LRRC71: variants seen among roughly 807,000 people sequenced by gnomAD.
The protein encoded by LRRC71 is leucine rich repeat containing 71.
Under a neutral mutation model 66.6 loss-of-function variants are expected in LRRC71, and 54 were observed. The ratio of observed to expected loss-of-function variants is 0.81; its 90% CI spans 0.65 to 1.02. The LOEUF (loss-of-function observed/expected upper bound fraction) is 1.02. Ranked by LOEUF, LRRC71 falls within the 50% of genes least tolerant of loss-of-function variation. The probability of loss-of-function intolerance (pLI) is 0.00; values close to 1 mark genes in which losing one functional copy is unlikely to be tolerated. For missense variants in LRRC71, 724 were observed against 718.0 expected (o/e 1.01, Z -0.10); for synonymous variants, 323 against 303.9 (o/e 1.06, Z -0.65).
chr1:156,925,341 C>T (rs1653032374), intron 5 of LRRC71, among the ~76,000 whole-genome samples: 1 of 152,194 alleles, frequency 6.6e-6, no homozygotes, highest in South Asian at 2.1e-4. Flanking sequence ...TGGCCCTGTA[C>T]TGGGGGCTGG....
Position 156,927,583 on chromosome 1 carries a change from C to A in LRRC71, c.750C>A (p.Cys250Ter). ...AGGCGCTGTCCACGCTGCACAGCTG[C>A]AACCGGACCCTCGTCTCGCTCAACC... ...LGQALSTLHS[C>*]NRTLVSLNLG... Residue 250 changes from cysteine to a stop codon, truncating the protein, a stop_gained, in exon 7 of 15, where the codon TGC becomes TGA. Transcript: ENST00000337428. LOFTEE classifies it high-confidence loss of function. 1 of 1,597,882 alleles carries A rather than the reference C, an allele frequency of 6.3e-7. No homozygotes were observed. Among genetic ancestry groups the A allele is most frequent in the Non-Finnish European group, 8.5e-7 (1 of 1,171,918 alleles).
intron 12 of LRRC71, among the ~76,000 whole-genome samples, chr1:156,930,820 T>C (rs935928697): frequency 6.6e-6 from 1 of 152,208 alleles, no homozygotes; most frequent in Non-Finnish European, 1.5e-5. Flanking sequence ...TCTGTGGGAA[T>C]AACAAGAGCA....
rs1652896716 is a variant in LRRC71 at position 156,924,556 on chromosome 1, A to G, written c.439+4A>G. On this transcript the variant is annotated splice_donor_region_variant and intron_variant, in intron 3 of 14. Coordinates refer to ENST00000337428, the MANE Select transcript of LRRC71 (RefSeq NM_144702.3). ...GTGAAGGAAATCTACATCCGCGGTG[A>G]GCCCCGCTCCCCCCACCCGCCCCAG... The G allele has an allele frequency of 1.3e-6, 2 of 1,551,310 alleles. No homozygotes were observed. The highest frequency in any genetic ancestry group is 1.7e-6 in the Non-Finnish European group (2 of 1,146,930).
At chr1:156,927,080 G>T (rs918921809) in intron 5 of LRRC71, 122 bp from the exon 6 acceptor site, 2 of 783,288 alleles carry the variant, frequency 2.6e-6, no homozygotes, top group South Asian at 1.8e-5. Flanking sequence ...TCCTATATTG[G>T]GGGGGCAATC....
In LRRC71 at chr1:156,925,032, GCC is replaced by G; in HGVS notation, c.593+21_593+22del. On this transcript the variant is annotated intron_variant, in intron 5 of 14. Coordinates refer to ENST00000337428, the MANE Select transcript of LRRC71 (RefSeq NM_144702.3). ...CACGCTCAGGTCAGCAGACTGGGAGGCCCCCTGTGCCTGGGAAGCCTGGCTGG... is the reference window on the plus strand; with the variant it reads ...CACGCTCAGGTCAGCAGACTGGGAGGCCCTGTGCCTGGGAAGCCTGGCTGG... 1 of 1,551,056 alleles carries G rather than the reference GCC, an allele frequency of 6.4e-7. No homozygotes were observed. The highest frequency in any genetic ancestry group is 8.7e-7 in the Non-Finnish European group (1 of 1,146,720).
At chr1:156,934,938 T>C (rs1255643602), downstream of LRRC71, 2 of 148,524 alleles carry the variant, frequency 1.3e-5, no homozygotes, top group African/African-American at 2.4e-5. Context: ...GTCATTTCCA[T>C]ATCTATATTT....
chr1:156,940,586 T>C, the LRRC71 span, among the ~76,000 whole-genome samples: 12 of 152,202 alleles, frequency 7.9e-5, no homozygotes, highest in South Asian at 2.1e-4. Context: ...GCTCTTGGCA[T>C]ACAACAGTAA....
chr1:156,937,678 C>A (rs1207412896), downstream of LRRC71, among the ~76,000 whole-genome samples: 1 of 152,190 alleles, frequency 6.6e-6, no homozygotes, highest in African/African-American at 2.4e-5. Flanking sequence ...GCTCCCGAGA[C>A]CTTCTAGATG....
chr1:156,928,490 C>G (rs1167872002), intron 9 of LRRC71, among the ~76,000 whole-genome samples: 3 of 129,100 alleles, frequency 2.3e-5, no homozygotes, highest in Non-Finnish European at 4.7e-5. Flanking sequence ...TCCTCCTCCT[C>G]CTCTTCTTCC....
downstream of LRRC71, chr1:156,935,639 GCCT>G (rs1654908139): frequency 1.4e-5 from 3 of 211,438 alleles, no homozygotes; most frequent in Admixed American, 5.8e-5. Context: ...TTACACAGAA[GCCT>G]CCTCCTTTCA....
intron 1 of LRRC71, among the ~76,000 whole-genome samples, chr1:156,922,406 A>G (rs1021883243): frequency 2.0e-5 from 3 of 152,144 alleles, no homozygotes; most frequent in Admixed American, 6.5e-5. Context: ...GCAGACACCA[A>G]CTGTGTGCTG....
Position 156,924,865 on chromosome 1 carries a change from A to G in LRRC71, c.516-73A>G, listed in dbSNP as rs1652954108. 5 of 1,516,084 alleles carry G rather than the reference A, an allele frequency of 3.3e-6. No homozygotes were observed. In the African/African-American group the frequency reaches 6.9e-5, roughly 21 times the overall value. The allele number at this position is 1,516,084 out of a possible 1,614,324, so 93.9% of individuals were successfully genotyped here. ...GATGAGGAAGGGCACCGCTGGGAGAACGGTGTGGGGAGGGTTTTCCAGTAG... is the reference window on the plus strand; with the variant it reads ...GATGAGGAAGGGCACCGCTGGGAGAGCGGTGTGGGGAGGGTTTTCCAGTAG... On this transcript the variant is annotated intron_variant, in intron 4 of 14. Coordinates refer to ENST00000337428, the MANE Select transcript of LRRC71 (RefSeq NM_144702.3).
chr1:156,930,060 T>TTTTCTTTCTTTC (rs1553189698), intron 11 of LRRC71, among the ~76,000 whole-genome samples: 1 of 126,178 alleles, frequency 7.9e-6, no homozygotes, highest in African/African-American at 3.7e-5. Flanking sequence ...CTTTCTTTCT[T>TTTTCTTTCTTTC]TTTCTTTCTT....
chr1:156,935,909 G>T, downstream of LRRC71: 1 of 1,396,904 alleles, frequency 7.2e-7, no homozygotes, highest in Non-Finnish European at 9.8e-7. Context: ...CCACAGGGAG[G>T]AGTGTTGGGA....
rs4576654 is a variant in LRRC71 at position 156,927,807 on chromosome 1, G to C, written c.897G>C (p.Lys299Asn). ...HNRIQDKGAL[K>N]LAEVLRAFEL... ...GCATCCAGGACAAGGGCGCCCTGAA[G>C]CTGGCTGAGGTGGGTGTGCCGATCA... The change falls in exon 8 of 15, where the codon AAG becomes AAC. Residue 299 changes from lysine (K) to asparagine (N), a missense_variant. Lys to Asn is a moderately conservative substitution (Grantham distance 94). Coordinates refer to ENST00000337428, the MANE Select transcript of LRRC71 (RefSeq NM_144702.3). 1 of 1,613,528 alleles carries C rather than the reference G, an allele frequency of 6.2e-7. No individual in the cohort carries two copies. Among genetic ancestry groups the C allele is most frequent in the Non-Finnish European group, 8.5e-7 (1 of 1,179,740 alleles).
intron 11 of LRRC71, among the ~76,000 whole-genome samples, chr1:156,930,304 G>A: frequency 6.6e-6 from 1 of 151,612 alleles, no homozygotes; most frequent in East Asian, 2.0e-4. Flanking sequence ...TGTTGGCCAG[G>A]CTGGTTGCGA....
At position 156,920,988 on chromosome 1, in the gene LRRC71, A is replaced by T. The variant is rs540597059; in HGVS notation, c.160+25A>T. The stretch of plus-strand genomic sequence containing the variant: ...GGTACGCTGGCGCCGGGGTTTGGGG[A>T]TCGGGCTTCCAGGCTGCGTCTTCCC... On this transcript the variant is annotated intron_variant, in intron 1 of 14. Transcript: ENST00000337428. This position sits in a 1 kb window ranked among gnomAD's most constrained non-coding sequence, Gnocchi z 4.9. 4.9e-5 allele frequency: 72 copies of T among 1,482,256 alleles called. No homozygotes were observed. The African/African-American group carries it at 8.8e-4, about 18-fold the overall frequency. The allele number at this position is 1,482,256 out of a possible 1,614,324, so 91.8% of individuals were successfully genotyped here.
At chr1:156,933,319 G>A (rs768065163), downstream of LRRC71, among the ~76,000 whole-genome samples, 7 of 152,226 alleles carry the variant, frequency 4.6e-5, no homozygotes, top group Non-Finnish European at 7.3e-5. Flanking sequence ...TTCCCTAGGG[G>A]ACATGCATTA....
chr1:156,925,149 A>C, intron 5 of LRRC71, 134 bp downstream of exon 5: 1 of 806,112 alleles, frequency 1.2e-6, no homozygotes. Context: ...AAGCAGAAGC[A>C]GGCAATGTCT....
Sources: gnomAD v4.1 joint callset for allele counts (sites outside exome capture counted in the v4.1 genomes callset) on GRCh38, gnomAD v4.1.1 for gene constraint, Gnocchi (gnomAD v3.1) non-coding constraint, MANE v1.5 for transcripts, NCBI Gene and HGNC (gene_info 2026-07-23, HGNC 2026-07-21) for gene names.